The following GSG1L variants were observed in gnomAD, a reference collection of about 807,000 sequenced individuals.
GSG1L encodes the protein GSG1 like.
GSG1L carries 24 observed loss-of-function variants against 42.1 expected under a neutral mutation model. That is an observed-to-expected ratio of 0.57 (90% CI 0.41 to 0.80). The LOEUF is 0.80. GSG1L is among the 30% of genes least tolerant of loss of function. GSG1L has a pLI of 0.00. For synonymous variants in GSG1L, 215 were observed against 203.5 expected (o/e 1.06, Z -0.48); for missense variants, 445 against 472.2 (o/e 0.94, Z 0.53).
In GSG1L at chr16:27,791,434, C is replaced by T. The variant is rs1186730759; in HGVS notation, c.932G>A (p.Arg311Gln). 4.6e-6 allele frequency: 7 copies of T among 1,520,076 alleles called. No homozygotes were observed. The highest frequency in any genetic ancestry group is 2.6e-5 in the South Asian group (2 of 78,380). 94.2% of individuals were successfully genotyped at this position (1,520,076 alleles called of 1,614,324 possible). A position where few individuals can be genotyped will look rare whatever the true frequency, so the allele number is the denominator to read the frequency against. The change falls in exon 7 of 7, where the codon CGG (arginine) becomes CAG (glutamine). Residue 311 changes from arginine to glutamine, a missense_variant. Physicochemically the swap from Arg to Gln is conservative, Grantham distance 43 (BLOSUM62 1). Transcript: ENST00000447459. ...HQPHMADSWP[R>Q]SSAQEAPELN... is the part of the protein sequence containing the mutation. ...CTCTGGTGCTTCCTGTGCGGAGCTC[C>T]GGGGCCAGGAATCCGCCATGTGTGG... is the stretch of plus-strand genomic sequence containing the variant.
At chr16:28,028,929 C>T (rs2085927749) in intron 1 of GSG1L, among the ~76,000 whole-genome samples, 1 of 152,208 alleles carries the variant, frequency 6.6e-6, no homozygotes, top group Admixed American at 6.5e-5. Context: ...CAGCAGTGAC[C>T]AATAGCCAGC....
At chr16:27,893,185 G>T (rs2084149011) in intron 2 of GSG1L, among the ~76,000 whole-genome samples, 1 of 152,204 alleles carries the variant, frequency 6.6e-6, no homozygotes, top group South Asian at 2.1e-4. Context: ...GGGGCCAGGA[G>T]TTGACAACTG....
chr16:27,978,551 C>A (rs1425900265), intron 1 of GSG1L, among the ~76,000 whole-genome samples: 1 of 151,988 alleles, frequency 6.6e-6, no homozygotes, highest in Non-Finnish European at 1.5e-5. Flanking sequence ...ATTAGCCAGG[C>A]GTGGTGGCAC....
chr16:27,877,429 A>G (rs2083901272), intron 3 of GSG1L, among the ~76,000 whole-genome samples: 1 of 152,180 alleles, frequency 6.6e-6, no homozygotes, highest in Non-Finnish European at 1.5e-5. Context: ...TCATTTTTGT[A>G]TCTTCATTAT....
At chr16:28,001,359 G>A (rs574890247) in intron 1 of GSG1L, among the ~76,000 whole-genome samples, 3 of 152,312 alleles carry the variant, frequency 2.0e-5, no homozygotes, top group South Asian at 2.1e-4. Context: ...TGACAACAGC[G>A]TGTGCCCACG....
At chr16:27,980,952 G>A (rs976398525) in intron 1 of GSG1L, among the ~76,000 whole-genome samples, 1 of 151,440 alleles carries the variant, frequency 6.6e-6, no homozygotes. Context: ...GGCAGAGGGA[G>A]ATTGAGTGAA....
intron 6 of GSG1L, among the ~76,000 whole-genome samples, chr16:27,803,788 T>TATAG (rs2082914505): frequency 1.1e-4 from 7 of 63,652 alleles, no homozygotes; most frequent in Admixed American, 7.0e-4. Context: ...TATATATATA[T>TATAG]ATATATAGAT....
chr16:27,967,830 T>A (rs1010304003), intron 1 of GSG1L, among the ~76,000 whole-genome samples: 2 of 152,094 alleles, frequency 1.3e-5, no homozygotes, highest in African/African-American at 4.8e-5. Flanking sequence ...GGAGAATCGC[T>A]TGAATATGGT....
At chr16:27,893,600 A>G (rs2084155749) in intron 2 of GSG1L, among the ~76,000 whole-genome samples, 1 of 152,124 alleles carries the variant, frequency 6.6e-6, no homozygotes. Context: ...TTATTTTTTT[A>G]GAGACAAGGT....
At chr16:27,948,225 T>G (rs991581473) in intron 2 of GSG1L, among the ~76,000 whole-genome samples, 53 of 152,296 alleles carry the variant, frequency 3.5e-4, no homozygotes, top group Admixed American at 2.0e-4. Flanking sequence ...TGATCTTGGT[T>G]GGGAAAGATG....
chr16:27,906,341 G>A (rs186642604), intron 2 of GSG1L, among the ~76,000 whole-genome samples: 52 of 152,254 alleles, frequency 3.4e-4, no homozygotes, highest in African/African-American at 1.2e-3. Flanking sequence ...GGGTTTCCCT[G>A]GCGGAAACAT....
intron 2 of GSG1L, chr16:27,888,157 C>T (rs1421101473): frequency 2.0e-6 from 2 of 985,026 alleles, no homozygotes; most frequent in African/African-American, 3.5e-5. Flanking sequence ...ACTCAGCTGC[C>T]TCCCCCACGC....
chr16:27,924,464 G>A (rs2084568104), intron 2 of GSG1L, among the ~76,000 whole-genome samples: 2 of 152,120 alleles, frequency 1.3e-5, no homozygotes, highest in Admixed American at 6.5e-5. Context: ...ACATCATGCA[G>A]GGCCTACAGT....
At position 27,790,256 on chromosome 16, in the gene GSG1L, T is replaced by C. The variant is rs941282580; in HGVS notation, c.*1114A>G. 6.6e-6 allele frequency: 1 copy of C among 152,038 alleles called. No homozygotes were observed. Among genetic ancestry groups the C allele is most frequent in the African/African-American group, 2.4e-5 (1 of 41,382 alleles). The allele number at this position is 152,038 out of a possible 1,614,324, so 9.4% of individuals were successfully genotyped here. ...TAATGGATAATGGCTGGATGAGTGATGGATGATGGATGGAAGGATGGAAGG... is the reference window on the plus strand; with the variant it reads ...TAATGGATAATGGCTGGATGAGTGACGGATGATGGATGGAAGGATGGAAGG... On this transcript the variant is annotated 3_prime_UTR_variant, in exon 7 of 7. Transcript: ENST00000447459.
At chr16:27,854,637 CCACCTGTGT>C (rs1026266198) in intron 3 of GSG1L, among the ~76,000 whole-genome samples, 7 of 152,220 alleles carry the variant, frequency 4.6e-5, no homozygotes, top group South Asian at 2.1e-4. Flanking sequence ...CCACCTGTGC[CCACCTGTGT>C]CACCTGTGTC....
At chr16:27,969,640 T>C (rs1373147983) in intron 1 of GSG1L, among the ~76,000 whole-genome samples, 1 of 152,264 alleles carries the variant, frequency 6.6e-6, no homozygotes, top group African/African-American at 2.4e-5. Flanking sequence ...TACTTGAATT[T>C]GTTTCCACAT....
intron 5 of GSG1L, chr16:27,823,879 G>A: frequency 1.4e-6 from 1 of 702,958 alleles, no homozygotes; most frequent in South Asian, 1.5e-5. Flanking sequence ...GTGACCTGGG[G>A]CAAGTCGCCC....
chr16:27,839,423 A>C (rs716727), intron 4 of GSG1L, among the ~76,000 whole-genome samples: 39,525 of 152,152 alleles, frequency 0.26, 5,534 homozygotes, highest in Admixed American at 0.4. Flanking sequence ...TAAGAGGAGA[A>C]CTTTTTCCAT....
chr16:27,799,691 C>T (rs546931071), intron 6 of GSG1L, among the ~76,000 whole-genome samples: 5 of 152,082 alleles, frequency 3.3e-5, no homozygotes, highest in South Asian at 2.1e-4. Flanking sequence ...GGGCGGGCAC[C>T]GAGCCAGATT....
Sources: allele counts gnomAD v4.1 joint callset (sites outside exome capture counted in the v4.1 genomes callset), GRCh38; gene constraint gnomAD v4.1.1; transcripts MANE v1.5; gene names NCBI Gene and HGNC (gene_info 2026-07-23, HGNC 2026-07-21).